The following PDIA5 variants were observed in gnomAD, a reference collection of about 807,000 sequenced individuals.
PDIA5 encodes protein disulfide-isomerase A5.
A neutral mutation model predicts 77.6 loss-of-function variants in PDIA5; 58 were observed. That is an observed-to-expected ratio of 0.75 (90% CI 0.61 to 0.93). PDIA5 has a LOEUF of 0.93. PDIA5 is among the 40% of genes least tolerant of loss of function. PDIA5 has a pLI of 0.00. For synonymous variants in PDIA5, 250 were observed against 252.1 expected, an observed-to-expected ratio of 0.99 and a Z score of 0.08; for missense variants, 630 against 647.7, an observed-to-expected ratio of 0.97 and a Z score of 0.30.
At chr3:123,124,391 G>A (rs1166644423) in intron 10 of PDIA5, 48 bp downstream of exon 10, 5 of 1,374,976 alleles carry the variant, frequency 3.6e-6, no homozygotes, top group South Asian at 1.2e-5. Context: ...AGAGGGCGGG[G>A]CATCTGCCGG....
At chr3:123,091,487 G>A (rs181171113) in intron 2 of PDIA5, among the ~76,000 whole-genome samples, 1 of 152,238 alleles carries the variant, frequency 6.6e-6, no homozygotes, top group African/African-American at 2.4e-5. Flanking sequence ...TCAAACACTG[G>A]CCACAGCCAC....
chr3:123,081,406 C>T (rs1030040619), intron 1 of PDIA5, among the ~76,000 whole-genome samples: 1 of 152,324 alleles, frequency 6.6e-6, no homozygotes, highest in Non-Finnish European at 1.5e-5. Flanking sequence ...AAATTCTCAG[C>T]CCGCTCAAGT....
intron 3 of PDIA5, among the ~76,000 whole-genome samples, chr3:123,096,178 C>T (rs1332058136): frequency 6.6e-6 from 1 of 151,942 alleles, no homozygotes; most frequent in Non-Finnish European, 1.5e-5. Context: ...GTCCAGGACT[C>T]CCCCTGCACC....
At chr3:123,143,703 G>T (rs1294174192) in intron 11 of PDIA5, among the ~76,000 whole-genome samples, 1 of 152,190 alleles carries the variant, frequency 6.6e-6, no homozygotes. Context: ...GGCAGCAGAG[G>T]TGCCTGTATA....
intron 15 of PDIA5, among the ~76,000 whole-genome samples, chr3:123,159,016 C>A (rs1936087666): frequency 6.6e-6 from 1 of 152,212 alleles, no homozygotes; most frequent in African/African-American, 2.4e-5. Context: ...GTGCGGCTGG[C>A]AGCTAGTTTA....
chr3:123,136,624 A>T (rs1935509879), intron 11 of PDIA5, among the ~76,000 whole-genome samples: 1 of 149,426 alleles, frequency 6.7e-6, no homozygotes, highest in South Asian at 2.2e-4. Flanking sequence ...CTGTAGTCCC[A>T]GCTACTTGGG....
rs781204365 is a variant in PDIA5 at position 123,161,914 on chromosome 3, G to A, written c.1514G>A (p.Arg505Gln). ...LGFTNYIRAL[R>Q]EGDHERLGKK... ...TTTACCAATTATATTCGAGCCCTCC[G>A]GGAGGGAGACCATGAAAGACTAGGG... The change falls in exon 17 of 17, where the codon CGG (arginine) becomes CAG (glutamine). Residue 505 changes from arginine to glutamine, a missense_variant. Transcript: ENST00000316218. The A allele has an allele frequency of 3.0e-5, 48 of 1,605,542 alleles. No homozygotes were observed. Among genetic ancestry groups the A allele is most frequent in the Non-Finnish European group, 3.5e-5 (41 of 1,172,654 alleles).
In PDIA5 at chr3:123,155,044, A is replaced by T. The variant is rs751953593; in HGVS notation, c.1344+3A>T. Reference sequence around the variant, plus strand: ...ATGCCTTCAAAGATGACCGAAAGGTAAGGACAGCGCTCTTCATCTCTTGAT... The same window carrying T: ...ATGCCTTCAAAGATGACCGAAAGGTTAGGACAGCGCTCTTCATCTCTTGAT... On this transcript the variant is annotated splice_donor_region_variant and intron_variant, in intron 15 of 16. Coordinates refer to ENST00000316218, the MANE Select transcript of PDIA5 (RefSeq NM_006810.4). The T allele has an allele frequency of 3.8e-6, 6 of 1,596,754 alleles. No homozygotes were observed. The highest frequency in any genetic ancestry group is 5.2e-6 in the Non-Finnish European group (6 of 1,164,162).
At chr3:123,127,788 C>T (rs1022832742) in intron 10 of PDIA5, among the ~76,000 whole-genome samples, 8 of 152,260 alleles carry the variant, frequency 5.3e-5, no homozygotes, top group South Asian at 2.1e-4. Context: ...GTCCTTTCTC[C>T]GAATTAAACA....
intron 13 of PDIA5, among the ~76,000 whole-genome samples, chr3:123,146,484 A>C (rs763940634): frequency 2.0e-5 from 3 of 152,228 alleles, no homozygotes; most frequent in Non-Finnish European, 2.9e-5. Context: ...TCATCGACGC[A>C]CTAAACCGTG....
chr3:123,137,258 C>G (rs1364126243), intron 11 of PDIA5, among the ~76,000 whole-genome samples: 1 of 152,190 alleles, frequency 6.6e-6, no homozygotes, highest in African/African-American at 2.4e-5. Flanking sequence ...AGCTATCTGA[C>G]CTCTAGGGAA....
At chr3:123,088,313 C>T (rs1014764770) in intron 1 of PDIA5, among the ~76,000 whole-genome samples, 1 of 152,090 alleles carries the variant, frequency 6.6e-6, no homozygotes, top group Non-Finnish European at 1.5e-5. Flanking sequence ...ACCTCCAGTT[C>T]CCGAAGTTTT....
intron 3 of PDIA5, among the ~76,000 whole-genome samples, chr3:123,098,357 T>C (rs989626626): frequency 1.3e-5 from 2 of 152,128 alleles, no homozygotes; most frequent in South Asian, 2.1e-4. Flanking sequence ...AGACCTTGTT[T>C]TTTCTCTTTC....
chr3:123,105,218 C>T (rs1486558662), intron 5 of PDIA5, among the ~76,000 whole-genome samples: 1 of 152,148 alleles, frequency 6.6e-6, no homozygotes, highest in Non-Finnish European at 1.5e-5. Context: ...TGTGTGCATA[C>T]AAATCAAAGT....
intron 1 of PDIA5, among the ~76,000 whole-genome samples, chr3:123,078,229 C>T (rs774004441): frequency 2.6e-5 from 4 of 152,290 alleles, no homozygotes; most frequent in Middle Eastern, 3.4e-3. Flanking sequence ...AACCAAACCA[C>T]GCAATGTCAC....
chr3:123,081,217 G>A (rs1218565777), intron 1 of PDIA5, among the ~76,000 whole-genome samples: 3 of 152,160 alleles, frequency 2.0e-5, no homozygotes, highest in Non-Finnish European at 4.4e-5. Context: ...TCGTGAGAAT[G>A]GGTTTACCAA....
chr3:123,124,198 T>C lies in PDIA5; in HGVS notation c.701+41T>C, dbSNP rs777613650. On this transcript the variant is annotated intron_variant, in intron 9 of 16. Coordinates refer to ENST00000316218, the MANE Select transcript of PDIA5 (RefSeq NM_006810.4). ...TCCTTCTAAAGCTCACCTCCCTCCCTGGTGATTGACCATAATCTCAGGGTG... is the reference window on the plus strand; with the variant it reads ...TCCTTCTAAAGCTCACCTCCCTCCCCGGTGATTGACCATAATCTCAGGGTG... 4 of 1,581,910 alleles carry C rather than the reference T, an allele frequency of 2.5e-6. No individual in the cohort carries two copies. In the African/African-American group the frequency reaches 4.0e-5, roughly 16 times the overall value.
At chr3:123,068,028 G>T (rs779900276) in intron 1 of PDIA5, among the ~76,000 whole-genome samples, 17 of 152,256 alleles carry the variant, frequency 1.1e-4, no homozygotes, top group Middle Eastern at 3.4e-3. Context: ...CCTGAGAGAG[G>T]TCGGAATGGG....
intron 14 of PDIA5, 96 bp downstream of exon 14, chr3:123,150,460 G>A: frequency 8.6e-7 from 1 of 1,168,670 alleles, no homozygotes; most frequent in Non-Finnish European, 1.2e-6. Context: ...GACCAAGGCA[G>A]CCGCTGATGG....
Sources: gnomAD v4.1 joint callset for allele counts (sites outside exome capture counted in the v4.1 genomes callset) on GRCh38, gnomAD v4.1.1 for gene constraint, MANE v1.5 for transcripts, NCBI Gene and HGNC (gene_info 2026-07-23, HGNC 2026-07-21) for gene names.